MYT1L: variants seen among roughly 807,000 people sequenced by gnomAD.
MYT1L encodes the protein myelin transcription factor 1 like, also known as myelin transcription factor 1-like protein.
MYT1L carries 12 observed loss-of-function variants against 126.7 expected under a neutral mutation model. That is an observed-to-expected ratio of 0.09 (90% CI 0.06 to 0.15). The LOEUF is 0.15. MYT1L is among the 10% of genes least tolerant of loss of function. The pLI, the probability that MYT1L is intolerant of heterozygous loss-of-function variation, is 1.00. For missense variants in MYT1L, 979 were observed against 1,585.2 expected (o/e 0.62, Z 6.49); for synonymous variants, 541 against 604.2 (o/e 0.90, Z 1.53).
Position 2,059,280 on chromosome 2 carries a change from T to C in MYT1L, c.-303-5157A>G, listed in dbSNP as rs747742772. Among the ~76,000 whole-genome samples, 1 of 152,122 alleles carries C rather than the reference T, an allele frequency of 6.6e-6. No homozygotes were observed. The highest frequency in any genetic ancestry group is 1.5e-5 in the Non-Finnish European group (1 of 68,034). The stretch of plus-strand genomic sequence containing the variant: ...GGGTCGCAACTGCTTTTCGCAGGAT[T>C]GTTTTATTATTTCCAGTGACTTTCC... On this transcript the variant is annotated intron_variant, in intron 3 of 24. Coordinates refer to ENST00000647738, the MANE Select transcript of MYT1L (RefSeq NM_001303052.2). The surrounding 1 kb of genome is among the most constrained non-coding windows in gnomAD (Gnocchi z 4.7).
At chr2:2,139,937 A>C (rs1281679272) in intron 3 of MYT1L, among the ~76,000 whole-genome samples, 33 of 152,198 alleles carry the variant, frequency 2.2e-4, no homozygotes, top group Admixed American at 2.2e-3. Context: ...ATGGCATTTC[A>C]GATTGGGGAG....
chr2:2,097,923 A>G (rs966761850), intron 3 of MYT1L, among the ~76,000 whole-genome samples: 1 of 152,122 alleles, frequency 6.6e-6, no homozygotes, highest in African/African-American at 2.4e-5. Flanking sequence ...TTGATGAATG[A>G]GTTCTTGTTC....
Position 1,971,024 on chromosome 2 carries a change from A to ATATC in MYT1L, c.152+8137_152+8140dup, listed in dbSNP as rs565162456. Among the ~76,000 whole-genome samples the ATATC allele has an allele frequency of 1.5e-3, 222 of 152,254 alleles. 2 individuals are homozygous for ATATC. The highest frequency in any genetic ancestry group is 5.2e-3 in the African/African-American group (216 of 41,562). The stretch of plus-strand genomic sequence containing the variant: ...CTTGAATTGGAATTATTTAAAAAAT[A>ATATC]TATCTCCTTTTACCAAATGTCAAAA... On this transcript the variant is annotated intron_variant, in intron 8 of 24. Coordinates refer to ENST00000647738, the MANE Select transcript of MYT1L (RefSeq NM_001303052.2).
chr2:1,989,366 A>G (rs562665706), intron 5 of MYT1L, among the ~76,000 whole-genome samples: 1 of 152,234 alleles, frequency 6.6e-6, no homozygotes, highest in Admixed American at 6.5e-5. Context: ...GGCTCTCTGC[A>G]TGCCAGGAGA....
chr2:1,840,977 C>T (rs981953718), intron 19 of MYT1L, 134 bp from the exon 20 acceptor site: 2 of 616,800 alleles, frequency 3.2e-6, no homozygotes, highest in African/African-American at 4.0e-5. Flanking sequence ...GATCTCGGCT[C>T]ACTGCAAGCT....
intron 15 of MYT1L, 79 bp downstream of exon 15, chr2:1,891,958 G>C (rs1221169204): frequency 6.9e-7 from 1 of 1,440,144 alleles, no homozygotes; most frequent in Non-Finnish European, 9.1e-7. Flanking sequence ...CCCCGAAAGC[G>C]CCGCGTGTCT....
At chr2:2,108,322 G>T (rs1176599194) in intron 3 of MYT1L, among the ~76,000 whole-genome samples, 1 of 152,166 alleles carries the variant, frequency 6.6e-6, no homozygotes, top group Non-Finnish European at 1.5e-5. Context: ...GAGTTCTTAG[G>T]AATGGACTCA....
chr2:1,980,323 TAC>T (rs1302222346), intron 5 of MYT1L, among the ~76,000 whole-genome samples: 2 of 148,168 alleles, frequency 1.3e-5, no homozygotes, highest in East Asian at 1.9e-4. Context: ...TATCTATATA[TAC>T]ACACACACAT....
At chr2:2,120,037 A>G (rs927670050) in intron 3 of MYT1L, among the ~76,000 whole-genome samples, 4 of 152,180 alleles carry the variant, frequency 2.6e-5, no homozygotes, top group African/African-American at 9.7e-5. Context: ...ATGGAGATCA[A>G]CCTTAGGAGA....
intron 2 of MYT1L, among the ~76,000 whole-genome samples, chr2:2,234,842 CTG>C (rs1478433846): frequency 6.6e-6 from 1 of 152,184 alleles, no homozygotes. Context: ...TCTGATTGCA[CTG>C]TGTTCATATG....
chr2:2,328,893 C>CTT (rs1442926944), intron 1 of MYT1L, among the ~76,000 whole-genome samples: 1 of 152,162 alleles, frequency 6.6e-6, no homozygotes, highest in Non-Finnish European at 1.5e-5. Context: ...ATCTTTGCTG[C>CTT]CACCATCTTC....
chr2:2,017,467 C>T (rs1018094438), intron 4 of MYT1L, among the ~76,000 whole-genome samples: 1 of 152,246 alleles, frequency 6.6e-6, no homozygotes, highest in African/African-American at 2.4e-5. Context: ...GATCTACCTG[C>T]TCTAAGTTGC....
chr2:2,098,042 T>C lies in MYT1L; in HGVS notation c.-303-43919A>G, dbSNP rs929283336. Among the ~76,000 whole-genome samples the C allele has an allele frequency of 4.6e-5, 7 of 152,198 alleles. No homozygotes were observed. The East Asian group carries it at 5.8e-4, about 13-fold the overall frequency. ...CCTGTTTCTTTACCTTCCACCATGATTGGAAGCTTCCTGAGGCCCTTACCA... is the reference window on the plus strand; with the variant it reads ...CCTGTTTCTTTACCTTCCACCATGACTGGAAGCTTCCTGAGGCCCTTACCA... On this transcript the variant is annotated intron_variant, in intron 3 of 24. Coordinates refer to ENST00000647738, the MANE Select transcript of MYT1L (RefSeq NM_001303052.2).
intron 22 of MYT1L, among the ~76,000 whole-genome samples, chr2:1,804,684 C>T (rs192085123): frequency 6.6e-6 from 1 of 152,304 alleles, no homozygotes; most frequent in Admixed American, 6.5e-5. Flanking sequence ...ACCCAGCCAG[C>T]GCTGGTCACT....
At chr2:1,854,918 A>G (rs559904451) in intron 18 of MYT1L, among the ~76,000 whole-genome samples, 1 of 152,206 alleles carries the variant, frequency 6.6e-6, no homozygotes, top group East Asian at 1.9e-4. Flanking sequence ...GAGCAGAGAC[A>G]TGCTGGAAAC....
chr2:2,083,623 A>G (rs1409521528), intron 3 of MYT1L, among the ~76,000 whole-genome samples: 1 of 152,260 alleles, frequency 6.6e-6, no homozygotes, highest in Non-Finnish European at 1.5e-5. Context: ...TTTTCAGACC[A>G]GCAACAAGGA....
intron 21 of MYT1L, among the ~76,000 whole-genome samples, chr2:1,828,885 C>A (rs989619827): frequency 1.3e-5 from 2 of 152,192 alleles, no homozygotes; most frequent in African/African-American, 2.4e-5. Flanking sequence ...GGACGAGACT[C>A]TTAAGATATG....
chr2:1,922,258 G>C lies in MYT1L; in HGVS notation c.1483+28C>G. 1.2e-6 allele frequency: 2 copies of C among 1,602,602 alleles called. No homozygotes were observed. Among genetic ancestry groups the C allele is most frequent in the East Asian group, 2.2e-5 (1 of 44,688 alleles). On this transcript the variant is annotated intron_variant, in intron 10 of 24. Transcript: ENST00000647738. The surrounding 1 kb of genome is among the most constrained non-coding windows in gnomAD (Gnocchi z 7.4). ...TTTACCCTAGCTCATGTTTTCATGAGGCAACTTACGTTAGGTAGAAATATT... is the reference window on the plus strand; with the variant it reads ...TTTACCCTAGCTCATGTTTTCATGACGCAACTTACGTTAGGTAGAAATATT...
At chr2:2,094,197 T>G (rs2077192241) in intron 3 of MYT1L, among the ~76,000 whole-genome samples, 3 of 152,208 alleles carry the variant, frequency 2.0e-5, no homozygotes, top group Admixed American at 2.0e-4. Flanking sequence ...ATCAGAGAAA[T>G]GCAAATCAAA....
Sources: allele counts gnomAD v4.1 joint callset (sites outside exome capture counted in the v4.1 genomes callset), GRCh38; gene constraint gnomAD v4.1.1; non-coding constraint Gnocchi (gnomAD v3.1); transcripts MANE v1.5; gene names NCBI Gene and HGNC (gene_info 2026-07-23, HGNC 2026-07-21).